ITGB4: variants seen among roughly 807,000 people sequenced by gnomAD.
The protein encoded by ITGB4 is integrin subunit beta 4, also known as integrin beta-4.
In ITGB4, 159 loss-of-function variants were observed where a neutral mutation model predicts 207.6. The ratio of observed to expected loss-of-function variants is 0.77; its 90% CI spans 0.67 to 0.87. The LOEUF (loss-of-function observed/expected upper bound fraction) is 0.87, where lower values mean the gene tolerates loss of function less well. Among genes scored for constraint, ITGB4 ranks in the 40% least tolerant of loss-of-function variants. The pLI, the probability that ITGB4 is intolerant of heterozygous loss-of-function variation, is 0.00. For synonymous variants in ITGB4, 1,020 were observed against 1,062.7 expected (o/e 0.96, Z 0.78); for missense variants, 2,278 against 2,546.8 (o/e 0.89, Z 2.27).
In ITGB4 at chr17:75,729,936, G is replaced by A. The variant is rs2060813929; in HGVS notation, c.739-305G>A. Among the ~76,000 whole-genome samples the A allele has an allele frequency of 2.0e-5, 3 of 152,218 alleles. No individual in the cohort carries two copies. Among genetic ancestry groups the A allele is most frequent in the Admixed American group, 1.3e-4 (2 of 15,282 alleles). Reference sequence around the variant, plus strand: ...AGGCGGGGGGATTGCTTGAATTCAGGATTTGAGACCAGCCTGGGAAACATG... The same window carrying A: ...AGGCGGGGGGATTGCTTGAATTCAGAATTTGAGACCAGCCTGGGAAACATG... On this transcript the variant is annotated intron_variant, in intron 7 of 39. Coordinates refer to ENST00000200181, the MANE Select transcript of ITGB4 (RefSeq NM_000213.5). This position sits in a 1 kb window ranked among gnomAD's most constrained non-coding sequence, Gnocchi z 4.4.
In ITGB4 at chr17:75,727,171, A is replaced by T. The variant is rs747199450; in HGVS notation, c.80-24A>T. 2 of 1,611,206 alleles carry T rather than the reference A, an allele frequency of 1.2e-6. No individual in the cohort carries two copies. Among genetic ancestry groups the T allele is most frequent in the South Asian group, 1.1e-5 (1 of 90,682 alleles). ...GCCTTTGCTGAGCGCCTCCCCATTCATGTGCCCACATCTGTCCCCCCAGCA... is the reference window on the plus strand; with the variant it reads ...GCCTTTGCTGAGCGCCTCCCCATTCTTGTGCCCACATCTGTCCCCCCAGCA... On this transcript the variant is annotated intron_variant, in intron 2 of 39. Coordinates refer to ENST00000200181, the MANE Select transcript of ITGB4 (RefSeq NM_000213.5). The surrounding 1 kb of genome is among the most constrained non-coding windows in gnomAD (Gnocchi z 6.0).
At position 75,742,947 on chromosome 17, in the gene ITGB4, C is replaced by T. The variant is rs779165527; in HGVS notation, c.2962+186C>T. Among the ~76,000 whole-genome samples the T allele has an allele frequency of 4.6e-5, 7 of 152,198 alleles. No homozygotes were observed. The highest frequency in any genetic ancestry group is 8.8e-5 in the Non-Finnish European group (6 of 68,034). On this transcript the variant is annotated intron_variant, in intron 25 of 39. Transcript: ENST00000200181. The surrounding 1 kb of genome is among the most constrained non-coding windows in gnomAD (Gnocchi z 5.9). Reference sequence around the variant, plus strand: ...ACGGAATGCGTGGCTGTTCACCTCGCCACAGTGCCTGCCTGGTGGTGAGCG... The same window carrying T: ...ACGGAATGCGTGGCTGTTCACCTCGTCACAGTGCCTGCCTGGTGGTGAGCG...
Position 75,730,286 on chromosome 17 carries a change from T to C in ITGB4, c.784T>C (p.Ser262Pro). 1 of 1,613,330 alleles carries C rather than the reference T, an allele frequency of 6.2e-7. No homozygotes were observed. Among genetic ancestry groups the C allele is most frequent in the Non-Finnish European group, 8.5e-7 (1 of 1,179,994 alleles). The change falls in exon 8 of 40, where the codon TCC becomes CCC. Residue 262 changes from serine (S) to proline (P), a missense_variant. Ser to Pro is a moderately conservative substitution (Grantham distance 74). Coordinates refer to ENST00000200181, the MANE Select transcript of ITGB4 (RefSeq NM_000213.5). ...RPDSTHLLVF[S>P]TESAFHYEAD... ...GGACAGCACCCACCTGCTGGTCTTC[T>C]CCACCGAGTCAGCCTTCCACTATGA...
At chr17:75,751,664 C>T in intron 30 of ITGB4, 1 of 216,296 alleles carries the variant, frequency 4.6e-6, no homozygotes, top group South Asian at 6.6e-5. Context: ...TCACTTGAAC[C>T]CAGAAGGCGC....
In ITGB4 at chr17:75,727,423, G is replaced by T; in HGVS notation, c.182G>T (p.Cys61Phe). 2 of 1,614,052 alleles carry T rather than the reference G, an allele frequency of 1.2e-6. No homozygotes were observed. Among genetic ancestry groups the T allele is most frequent in the Non-Finnish European group, 1.7e-6 (2 of 1,180,026 alleles). The change falls in exon 4 of 40, where the codon TGC becomes TTC. Residue 61 changes from cysteine to phenylalanine, a missense_variant. By Grantham distance (205) the Cys-to-Phe change is radical (BLOSUM62 -2). Coordinates refer to ENST00000200181, the MANE Select transcript of ITGB4 (RefSeq NM_000213.5). This position sits in a 1 kb window ranked among gnomAD's most constrained non-coding sequence, Gnocchi z 6.0. ...GGCCAGATGTTCAGGGACCGGCGCT[G>T]CAACACCCAGGCGGAGCTGCTGGCC... ...CTDEMFRDRR[C>F]NTQAELLAAG...
chr17:75,733,609 G>A lies in ITGB4; in HGVS notation c.1574G>A (p.Cys525Tyr). Reference protein sequence around the residue: ...RGECQCGHCVCYGEGRYEGQF... With the variant: ...RGECQCGHCVYYGEGRYEGQF... ...GAGTGCCAGTGCGGGCACTGTGTGTGCTACGGCGAAGGCCGCTACGAGGGT... is the reference window on the plus strand; with the variant it reads ...GAGTGCCAGTGCGGGCACTGTGTGTACTACGGCGAAGGCCGCTACGAGGGT... Residue 525 changes from cysteine to tyrosine, a missense_variant, in exon 13 of 40, where the codon TGC becomes TAC. Transcript: ENST00000200181. 6.2e-7 allele frequency: 1 copy of A among 1,614,148 alleles called. No individual in the cohort carries two copies. Among genetic ancestry groups the A allele is most frequent in the Non-Finnish European group, 8.5e-7 (1 of 1,180,040 alleles).
intron 27 of ITGB4, among the ~76,000 whole-genome samples, chr17:75,749,373 A>C (rs1197526570): frequency 6.6e-6 from 1 of 151,196 alleles, no homozygotes; most frequent in African/African-American, 2.4e-5. Flanking sequence ...ACAAAAAATA[A>C]ACAAATTAGC....
chr17:75,747,115 G>A (rs1035852812), intron 26 of ITGB4, among the ~76,000 whole-genome samples: 1 of 151,986 alleles, frequency 6.6e-6, no homozygotes, highest in Admixed American at 6.6e-5. Context: ...TATATAGATA[G>A]CAACATAGAA....
chr17:75,744,682 C>T (rs902347774), intron 26 of ITGB4, among the ~76,000 whole-genome samples: 1 of 152,238 alleles, frequency 6.6e-6, no homozygotes, highest in African/African-American at 2.4e-5. Flanking sequence ...ACCAGCATCA[C>T]CTTCACTGCT....
rs1418171385 is a variant in ITGB4 at position 75,733,539 on chromosome 17, C to T, written c.1504C>T (p.Pro502Ser). 6.2e-7 allele frequency: 1 copy of T among 1,613,856 alleles called. No homozygotes were observed. Among genetic ancestry groups the T allele is most frequent in the Non-Finnish European group, 8.5e-7 (1 of 1,180,038 alleles). The change falls in exon 13 of 40, where the codon CCC becomes TCC. Residue 502 changes from proline (P) to serine (S), a missense_variant. Pro to Ser is a moderately conservative substitution (Grantham distance 74). Coordinates refer to ENST00000200181, the MANE Select transcript of ITGB4 (RefSeq NM_000213.5). ...CACCGGCTCTCTGAGTGACATTCAG[C>T]CCTGCCTGCGGGAGGGCGAGGACAA... ...CSTGSLSDIQ[P>S]CLREGEDKPC...
intron 25 of ITGB4, among the ~76,000 whole-genome samples, chr17:75,743,316 G>A (rs761236054): frequency 7.2e-5 from 11 of 152,122 alleles, no homozygotes; most frequent in African/African-American, 2.7e-4. Flanking sequence ...CACTGCAACC[G>A]CTGCCTCCCA....
chr17:75,748,709 C>T, intron 26 of ITGB4, 132 bp from the exon 27 acceptor site: 1 of 664,866 alleles, frequency 1.5e-6, no homozygotes, highest in Non-Finnish European at 2.6e-6. Context: ...AAACCTGAAC[C>T]TCGTGTAAGT....
At chr17:75,721,639 C>G (rs2060619272) in intron 1 of ITGB4, 27 bp downstream of exon 1, 1 of 152,772 alleles carries the variant, frequency 6.5e-6, no homozygotes, top group Non-Finnish European at 1.5e-5. Context: ...GCTGGGCAGC[C>G]GCGCAGGGGA....
chr17:75,752,227 C>T lies in ITGB4; in HGVS notation c.3847C>T (p.Leu1283=). Residue 1283 remains leucine, a synonymous_variant, in exon 31 of 40, where the codon CTG becomes TTG. Coordinates refer to ENST00000200181, the MANE Select transcript of ITGB4 (RefSeq NM_000213.5). ...GGTTGACAACCCTAAGAACCGGATG[C>T]TGCTTATTGAGAACCTTCGGGAGTC... ...VLVDNPKNRM[L]LIENLRESQP... is the part of the protein sequence containing the mutation. The T allele has an allele frequency of 6.2e-7, 1 of 1,613,890 alleles. No homozygotes were observed. Among genetic ancestry groups the T allele is most frequent in the South Asian group, 1.1e-5 (1 of 91,082 alleles).
In ITGB4 at chr17:75,743,973, C is replaced by T. The variant is rs1161672158; in HGVS notation, c.3111+112C>T. 10 of 1,250,982 alleles carry T rather than the reference C, an allele frequency of 8.0e-6. No homozygotes were observed. The African/African-American group carries it at 1.3e-4, about 17-fold the overall frequency. The allele number at this position is 1,250,982 out of a possible 1,614,324, so 77.5% of individuals were successfully genotyped here. A position where few individuals can be genotyped will look rare whatever the true frequency, so the allele number is the denominator to read the frequency against. The stretch of plus-strand genomic sequence containing the variant: ...AGCTGCTTGAGTCCCTGGATACTGG[C>T]CGTGCCCCTGGCTGGCCTCCCAAGG... On this transcript the variant is annotated intron_variant, in intron 26 of 39. Coordinates refer to ENST00000200181, the MANE Select transcript of ITGB4 (RefSeq NM_000213.5).
Position 75,742,583 on chromosome 17 carries a change from C to A in ITGB4, c.2784C>A (p.Asp928Glu). The change falls in exon 25 of 40, where the codon GAC (aspartate) becomes GAA (glutamate). Residue 928 changes from aspartate to glutamate, a missense_variant and splice_region_variant. By Grantham distance (45) the Asp-to-Glu change is conservative (BLOSUM62 2). Coordinates refer to ENST00000200181, the MANE Select transcript of ITGB4 (RefSeq NM_000213.5). The surrounding 1 kb of genome is among the most constrained non-coding windows in gnomAD (Gnocchi z 5.9). ...GACCACCTCCGAACCCCCACCCAGA[C>A]GCCCGGGGCATGGTGGAGTTCCAGG... ...PGYYTLTADQ[D>E]ARGMVEFQEG... 1.2e-6 allele frequency: 2 copies of A among 1,613,916 alleles called. No homozygotes were observed. Among genetic ancestry groups the A allele is most frequent in the Non-Finnish European group, 1.7e-6 (2 of 1,179,996 alleles).
rs181450792 is a variant in ITGB4, at chr17:75,743,638, C to T, written c.2963-75C>T. ...CTCCTGGATTCTGGGCTGGGCTGGG[C>T]AGGGTCACAGGAGAGCAGGAGGTGG... is the stretch of plus-strand genomic sequence containing the variant. On this transcript the variant is annotated intron_variant, in intron 25 of 39. Coordinates refer to ENST00000200181, the MANE Select transcript of ITGB4 (RefSeq NM_000213.5). The T allele has an allele frequency of 2.6e-3, 4,088 of 1,600,500 alleles. 12 individuals carry two copies. The highest frequency in any genetic ancestry group is 3.1e-3 in the Non-Finnish European group (3,667 of 1,168,732).
In ITGB4 at chr17:75,742,899, G is replaced by A. The variant is rs2061148503; in HGVS notation, c.2962+138G>A. ...TCTGCAAGCCTTGGTTTCTCCATCT[G>A]TAAAATGGGTAAGGGCTCTTTTACG... On this transcript the variant is annotated intron_variant, in intron 25 of 39. Coordinates refer to ENST00000200181, the MANE Select transcript of ITGB4 (RefSeq NM_000213.5). The surrounding 1 kb of genome is among the most constrained non-coding windows in gnomAD (Gnocchi z 5.9). 1.3e-6 allele frequency: 1 copy of A among 794,328 alleles called. No homozygotes were observed. Among genetic ancestry groups the A allele is most frequent in the Non-Finnish European group, 2.0e-6 (1 of 503,870 alleles). The allele number at this position is 794,328 out of a possible 1,614,324, so 49.2% of individuals were successfully genotyped here. A position where few individuals can be genotyped will look rare whatever the true frequency, so the allele number is the denominator to read the frequency against.
chr17:75,751,900 A>G lies in ITGB4; in HGVS notation c.3794-274A>G, dbSNP rs144072734. On this transcript the variant is annotated intron_variant, in intron 30 of 39. Coordinates refer to ENST00000200181, the MANE Select transcript of ITGB4 (RefSeq NM_000213.5). ...CCTTGTGTGGAGGCACCGTGGATAT[A>G]TGGGTAGAGGTGACATCGAGGCCAA... The G allele has an allele frequency of 2.1e-3, 1,103 of 518,836 alleles. 10 individuals are homozygous for G. Among genetic ancestry groups the G allele is most frequent in the African/African-American group, 0.017 (871 of 52,224 alleles). The allele number at this position is 518,836 out of a possible 1,614,324, so 32.1% of individuals were successfully genotyped here.
Sources: gnomAD v4.1 joint callset for allele counts (sites outside exome capture counted in the v4.1 genomes callset) on GRCh38, gnomAD v4.1.1 for gene constraint, Gnocchi (gnomAD v3.1) non-coding constraint, MANE v1.5 for transcripts, NCBI Gene and HGNC (gene_info 2026-07-23, HGNC 2026-07-21) for gene names.